SASH1: variants seen among roughly 807,000 people sequenced by gnomAD.
The protein encoded by SASH1 is SAM and SH3 domain containing 1.
Under a neutral mutation model 125.2 loss-of-function variants are expected in SASH1, and 44 were observed. That is an observed-to-expected ratio of 0.35 (90% CI 0.28 to 0.45). SASH1 has a LOEUF of 0.45. Among genes scored for constraint, SASH1 ranks in the 20% least tolerant of loss-of-function variants. The probability of loss-of-function intolerance (pLI) is 1.00; values close to 1 mark genes in which losing one functional copy is unlikely to be tolerated. For synonymous variants in SASH1, 639 were observed against 649.1 expected, an observed-to-expected ratio of 0.98 and a Z score of 0.24; for missense variants, 1,426 against 1,614.5, an observed-to-expected ratio of 0.88 and a Z score of 2.00.
In SASH1 at chr6:148,281,794, G is replaced by A. The variant is rs148280518; in HGVS notation, n.74+9417G>A. On this transcript the variant is annotated intron_variant and non_coding_transcript_variant, in intron 1 of 3. Coordinates refer to the SASH1 transcript ENST00000367469. The stretch of plus-strand genomic sequence containing the variant: ...AAAAATTAGTCGGGCGTGGTGGCAC[G>A]TGCCTATGGTCCCAGCTACTCAGGA... Among the ~76,000 whole-genome samples the A allele has an allele frequency of 5.9e-5, 9 of 152,140 alleles. No individual in the cohort carries two copies. The East Asian group carries it at 1.6e-3, about 26-fold the overall frequency.
Position 148,525,414 on chromosome 6 carries a change from T to G in SASH1, c.1284+49T>G, listed in dbSNP as rs776242639. 2.2e-6 allele frequency: 3 copies of G among 1,352,706 alleles called. No individual in the cohort carries two copies. The African/African-American group carries it at 4.3e-5, about 19-fold the overall frequency. The allele number at this position is 1,352,706 out of a possible 1,614,324, so 83.8% of individuals were successfully genotyped here. A position where few individuals can be genotyped will look rare whatever the true frequency, so the allele number is the denominator to read the frequency against. On this transcript the variant is annotated intron_variant, in intron 11 of 19. Coordinates refer to ENST00000367467, the MANE Select transcript of SASH1 (RefSeq NM_015278.5). ...AAAAATATGGATTCAGGCGATGAGG[T>G]TGACAATAGTTCACCATTGAGTATC... is the stretch of plus-strand genomic sequence containing the variant.
At chr6:148,454,098 C>T (rs1278547119) in intron 4 of SASH1, among the ~76,000 whole-genome samples, 2 of 152,060 alleles carry the variant, frequency 1.3e-5, no homozygotes, top group Non-Finnish European at 2.9e-5. Flanking sequence ...GACACCCATG[C>T]CATCAGTCAC....
intron 1 of SASH1, among the ~76,000 whole-genome samples, chr6:148,375,489 G>A (rs998411016): frequency 1.3e-5 from 2 of 151,642 alleles, no homozygotes; most frequent in African/African-American, 2.4e-5. Context: ...TTAAATCTAC[G>A]AATAAGAACA....
chr6:148,464,974 A>C (rs890629540), intron 4 of SASH1, among the ~76,000 whole-genome samples: 1 of 152,184 alleles, frequency 6.6e-6, no homozygotes, highest in Non-Finnish European at 1.5e-5. Flanking sequence ...GCCTGGGCCA[A>C]GTCCAAACCG....
chr6:148,426,323 G>A (rs1415708311), intron 2 of SASH1, among the ~76,000 whole-genome samples: 1 of 152,014 alleles, frequency 6.6e-6, no homozygotes, highest in African/African-American at 2.4e-5. Context: ...CCGCTGTGGG[G>A]AAAGGGGTCG....
the SASH1 span, among the ~76,000 whole-genome samples, chr6:148,226,826 G>C: frequency 6.6e-6 from 1 of 152,112 alleles, no homozygotes; most frequent in Non-Finnish European, 1.5e-5. Flanking sequence ...TCCGGAAGCT[G>C]GGGTCCTACC....
intron 1 of SASH1, among the ~76,000 whole-genome samples, chr6:148,356,868 G>C (rs541467542): frequency 6.6e-6 from 1 of 152,098 alleles, no homozygotes; most frequent in African/African-American, 2.4e-5. Context: ...GTTATTTTTT[G>C]ATTATGGCCA....
intron 16 of SASH1, 43 bp from the exon 17 acceptor site, chr6:148,540,398 CTT>C: frequency 6.7e-7 from 1 of 1,499,392 alleles, no homozygotes; most frequent in Non-Finnish European, 9.3e-7. Context: ...GAAACCTCTG[CTT>C]TTCACTCACC....
In SASH1 at chr6:148,543,749, G is replaced by A; in HGVS notation, c.2279G>A (p.Arg760Lys). Residue 760 changes from arginine (R) to lysine (K), a missense_variant, in exon 18 of 20, where the codon AGA (arginine) becomes AAA (lysine). Physicochemically the swap from Arg to Lys is conservative, Grantham distance 26. Coordinates refer to ENST00000367467, the MANE Select transcript of SASH1 (RefSeq NM_015278.5). ...STEPSLKSFS[R>K]NQLGNYPTLP... ...GAGCCCAGCTTGAAGTCTTTTAGCA[G>A]AAACCAGTTGGGCAATTACCCAACA... is the stretch of plus-strand genomic sequence containing the variant. 13 of 1,608,256 alleles carry A rather than the reference G, an allele frequency of 8.1e-6. No homozygotes were observed. Among genetic ancestry groups the A allele is most frequent in the Non-Finnish European group, 9.4e-6 (11 of 1,176,304 alleles).
At position 148,544,764 on chromosome 6, in the gene SASH1, AAAC is replaced by A. The variant is rs1190727753; in HGVS notation, c.3297_3299del (p.Asn1099del). ...GAGTGGATCTAGAAACGCTCACTGA[AAAC>A]AAGCTGCACGCTGAAGGCATCGATC... On this transcript the variant is annotated inframe_deletion, in exon 18 of 20. Coordinates refer to ENST00000367467, the MANE Select transcript of SASH1 (RefSeq NM_015278.5). This position sits in a 1 kb window ranked among gnomAD's most constrained non-coding sequence, Gnocchi z 6.4. 1.2e-6 allele frequency: 2 copies of A among 1,605,330 alleles called. No individual in the cohort carries two copies. The highest frequency in any genetic ancestry group is 1.7e-6 in the Non-Finnish European group (2 of 1,175,846).
chr6:148,233,642 C>G, the SASH1 span, among the ~76,000 whole-genome samples: 76 of 149,168 alleles, frequency 5.1e-4, no homozygotes, highest in Middle Eastern at 3.5e-3. Flanking sequence ...CGCCTGTAAT[C>G]GCAGCACTTT....
chr6:148,436,264 G>A (rs2114992011), intron 2 of SASH1, among the ~76,000 whole-genome samples: 1 of 152,298 alleles, frequency 6.6e-6, no homozygotes, highest in Middle Eastern at 3.4e-3. Context: ...GCCAAGGTGG[G>A]CGGATTGCTT....
chr6:148,527,972 T>G (rs998905830), intron 12 of SASH1, among the ~76,000 whole-genome samples: 1 of 106,074 alleles, frequency 9.4e-6, no homozygotes, highest in Non-Finnish European at 1.8e-5. Flanking sequence ...GAATCAAACC[T>G]AAAGCTTTTT....
chr6:148,329,188 T>C (rs1346325712), intron 1 of SASH1, among the ~76,000 whole-genome samples: 2 of 152,222 alleles, frequency 1.3e-5, no homozygotes, highest in Non-Finnish European at 2.9e-5. Context: ...TTTGAGAACA[T>C]TCATTAGATA....
intron 2 of SASH1, among the ~76,000 whole-genome samples, chr6:148,411,744 A>G (rs1013805715): frequency 2.6e-5 from 4 of 152,150 alleles, no homozygotes; most frequent in Non-Finnish European, 5.9e-5. Context: ...CAGTTTCACC[A>G]TGTTGTCTGG....
chr6:148,497,192 TATACATAGTGA>T (rs1474415446), intron 8 of SASH1, among the ~76,000 whole-genome samples: 1 of 152,110 alleles, frequency 6.6e-6, no homozygotes, highest in African/African-American at 2.4e-5. Context: ...ATTGGAAAAA[TATACATAGTGA>T]GAGGTTTTGA....
chr6:148,306,858 A>T (rs1305050282), intron 1 of SASH1, among the ~76,000 whole-genome samples: 1 of 152,048 alleles, frequency 6.6e-6, no homozygotes, highest in Non-Finnish European at 1.5e-5. Context: ...ATGGGAATGT[A>T]CCTCTAGGAA....
intron 16 of SASH1, among the ~76,000 whole-genome samples, chr6:148,537,679 C>T (rs1001864757): frequency 5.3e-5 from 8 of 152,158 alleles, no homozygotes; most frequent in Non-Finnish European, 1.2e-4. Context: ...ATTCCCTTCT[C>T]TTCTTTCCCA....
At chr6:148,312,842 A>AAGGAGGAGAAGG (rs1780369207) in intron 1 of SASH1, among the ~76,000 whole-genome samples, 1 of 151,954 alleles carries the variant, frequency 6.6e-6, no homozygotes, top group African/African-American at 2.4e-5. Flanking sequence ...AGAGGAGGAG[A>AAGGAGGAGAAGG]AGGAGGAGAA....
Sources: gnomAD v4.1 joint callset for allele counts (sites outside exome capture counted in the v4.1 genomes callset) on GRCh38, gnomAD v4.1.1 for gene constraint, Gnocchi (gnomAD v3.1) non-coding constraint, MANE v1.5 for transcripts, NCBI Gene and HGNC (gene_info 2026-07-23, HGNC 2026-07-21) for gene names.